The following DMGDH variants were observed in gnomAD, a reference collection of about 807,000 sequenced individuals.
DMGDH encodes the protein dimethylglycine dehydrogenase.
In DMGDH, 76 loss-of-function variants were observed where a neutral mutation model predicts 95.2. The observed-to-expected ratio is 0.80, with a 90% CI of 0.66 to 0.97. The LOEUF is 0.97. Among genes scored for constraint, DMGDH ranks in the 50% least tolerant of loss-of-function variants. DMGDH has a pLI of 0.00. For missense variants in DMGDH, 987 were observed against 1,055.0 expected (o/e 0.94, Z 0.89); for synonymous variants, 345 against 377.6 (o/e 0.91, Z 1.00).
intron 2 of DMGDH, among the ~76,000 whole-genome samples, chr5:79,063,158 G>A (rs1755259525): frequency 6.6e-6 from 1 of 152,012 alleles, no homozygotes; most frequent in Non-Finnish European, 1.5e-5. Flanking sequence ...CCAAATGCAG[G>A]TGAGGGGAGT....
Position 79,042,434 on chromosome 5 carries a change from G to T in DMGDH, c.1042C>A (p.His348Asn). The change falls in exon 7 of 16, where the codon CAC becomes AAC. Residue 348 changes from histidine to asparagine, a missense_variant. Coordinates refer to ENST00000255189, the MANE Select transcript of DMGDH (RefSeq NM_013391.3). ...FESDLDRIME[H>N]IKAAMEMVPV... ...ACCATTTCCATGGCAGCTTTGATGT[G>T]TTCCATGATTCGATCTAGATCAGAC... 1 of 1,614,120 alleles carries T rather than the reference G, an allele frequency of 6.2e-7. No individual in the cohort carries two copies. The highest frequency in any genetic ancestry group is 1.7e-5 in the Admixed American group (1 of 60,012).
intron 2 of DMGDH, 88 bp from the exon 3 acceptor site, chr5:79,055,996 C>A: frequency 1.1e-6 from 1 of 917,358 alleles, no homozygotes; most frequent in Non-Finnish European, 1.7e-6. Context: ...TAATTTAATG[C>A]TGGAAAGAAA....
intron 7 of DMGDH, among the ~76,000 whole-genome samples, chr5:79,034,833 G>A (rs1054405184): frequency 1.3e-4 from 19 of 151,910 alleles, no homozygotes; most frequent in Admixed American, 2.6e-4. Flanking sequence ...CGAGACGGGC[G>A]GATCACGAGG....
intron 7 of DMGDH, among the ~76,000 whole-genome samples, chr5:79,038,974 C>T (rs1404516206): frequency 2.6e-5 from 4 of 151,560 alleles, no homozygotes; most frequent in Admixed American, 1.3e-4. Context: ...TCATCACTGG[C>T]CATCAGAGAA....
At chr5:79,068,907 T>C (rs1755459614) in intron 1 of DMGDH, among the ~76,000 whole-genome samples, 1 of 152,206 alleles carries the variant, frequency 6.6e-6, no homozygotes, top group African/African-American at 2.4e-5. Context: ...TGCCACCCAC[T>C]TGGAGAATGT....
At chr5:79,005,165 C>G in intron 15 of DMGDH, 108 bp downstream of exon 15, 1 of 1,475,732 alleles carries the variant, frequency 6.8e-7, no homozygotes, top group South Asian at 1.2e-5. Context: ...CGTGTCATCC[C>G]TCCAACAAAT....
chr5:79,016,234 CA>C (rs1175303913), intron 14 of DMGDH, among the ~76,000 whole-genome samples: 2,668 of 111,746 alleles, frequency 0.024, 67 homozygotes, highest in African/African-American at 0.077. Context: ...GAGACTCCAT[CA>C]AAAAAAAAAA....
chr5:79,026,346 T>C lies in DMGDH; in HGVS notation c.2190+78A>G, dbSNP rs576624965. On this transcript the variant is annotated intron_variant, in intron 13 of 15. Transcript: ENST00000255189. Reference sequence around the variant, plus strand: ...TCTCTTACAGCCAAAACCAATGTTATTGCAGTTCAAACCAGCCCTTATATA... The same window carrying C: ...TCTCTTACAGCCAAAACCAATGTTACTGCAGTTCAAACCAGCCCTTATATA... The C allele has an allele frequency of 1.5e-5, 24 of 1,570,268 alleles. No individual in the cohort carries two copies. The East Asian group carries it at 3.9e-4, about 25-fold the overall frequency.
At chr5:79,059,000 T>A (rs1397348970) in intron 2 of DMGDH, among the ~76,000 whole-genome samples, 1 of 152,154 alleles carries the variant, frequency 6.6e-6, no homozygotes, top group Admixed American at 6.6e-5. Flanking sequence ...ACTCATACAT[T>A]TACACCCAAT....
chr5:79,032,639 G>T, intron 9 of DMGDH, 48 bp downstream of exon 9: 1 of 1,613,090 alleles, frequency 6.2e-7, no homozygotes, highest in African/African-American at 1.3e-5. Flanking sequence ...CTGTCCCGTT[G>T]TTTCACCCCT....
intron 14 of DMGDH, among the ~76,000 whole-genome samples, chr5:79,007,108 T>C (rs1340780289): frequency 6.6e-6 from 1 of 152,200 alleles, no homozygotes; most frequent in Non-Finnish European, 1.5e-5. Context: ...GGAACCCGTG[T>C]TATTTAATAT....
intron 14 of DMGDH, among the ~76,000 whole-genome samples, chr5:79,007,996 G>A (rs1280259056): frequency 1.3e-5 from 2 of 152,084 alleles, no homozygotes; most frequent in African/African-American, 4.8e-5. Flanking sequence ...CAGAAAAAAA[G>A]AACAATTTGA....
chr5:79,052,467 C>T (rs1754896535), intron 4 of DMGDH, among the ~76,000 whole-genome samples: 1 of 152,182 alleles, frequency 6.6e-6, no homozygotes, highest in African/African-American at 2.4e-5. Context: ...ATTACGAATT[C>T]AATCCTTTCA....
At chr5:79,040,083 G>C (rs1359431174) in intron 7 of DMGDH, among the ~76,000 whole-genome samples, 1 of 152,232 alleles carries the variant, frequency 6.6e-6, no homozygotes, top group Non-Finnish European at 1.5e-5. Context: ...CTGAGGAGAG[G>C]GTTGTGGGAA....
intron 5 of DMGDH, among the ~76,000 whole-genome samples, chr5:79,048,376 G>A (rs760898767): frequency 2.0e-5 from 3 of 152,116 alleles, no homozygotes; most frequent in Non-Finnish European, 4.4e-5. Context: ...TTTACTCTTA[G>A]ACTTTTCTTT....
chr5:79,066,981 T>A (rs115890429), intron 1 of DMGDH, among the ~76,000 whole-genome samples: 3,677 of 152,328 alleles, frequency 0.024, 132 homozygotes, highest in African/African-American at 0.082. Flanking sequence ...GGCATTCTAC[T>A]GTAAGGAAGT....
chr5:79,044,080 C>A (rs560909817), intron 6 of DMGDH, among the ~76,000 whole-genome samples: 1 of 152,344 alleles, frequency 6.6e-6, no homozygotes, highest in South Asian at 2.1e-4. Flanking sequence ...AATGTTACTT[C>A]AGCTTCTCTA....
chr5:79,063,988 A>G (rs1013068619), intron 1 of DMGDH, among the ~76,000 whole-genome samples: 3 of 152,182 alleles, frequency 2.0e-5, no homozygotes, highest in African/African-American at 4.8e-5. Flanking sequence ...GCCCCATTCC[A>G]TATAATGATT....
At chr5:79,066,388 C>T (rs1755381272) in intron 1 of DMGDH, among the ~76,000 whole-genome samples, 1 of 152,078 alleles carries the variant, frequency 6.6e-6, no homozygotes, top group Admixed American at 6.5e-5. Flanking sequence ...CAGGTTCATG[C>T]CATTCTCCTG....
Sources: gnomAD v4.1 joint callset for allele counts (sites outside exome capture counted in the v4.1 genomes callset) on GRCh38, gnomAD v4.1.1 for gene constraint, MANE v1.5 for transcripts, NCBI Gene and HGNC (gene_info 2026-07-23, HGNC 2026-07-21) for gene names.